RAD51: variants seen among roughly 807,000 people sequenced by gnomAD.
RAD51 encodes DNA repair protein RAD51 homolog 1.
A neutral mutation model predicts 41.5 loss-of-function variants in RAD51; 14 were observed. That is an observed-to-expected ratio of 0.34 (90% CI 0.22 to 0.53). RAD51 has a LOEUF of 0.53. Ranked by LOEUF, RAD51 falls within the 20% of genes least tolerant of loss-of-function variation. RAD51 has a pLI of 0.95. For synonymous variants in RAD51, 136 were observed against 148.6 expected, an observed-to-expected ratio of 0.92 and a Z score of 0.62; for missense variants, 234 against 422.0, an observed-to-expected ratio of 0.55 and a Z score of 3.90.
At position 40,722,510 on chromosome 15, in the gene RAD51, G is replaced by A. The variant is rs144587814; in HGVS notation, c.530+3611G>A. Among the ~76,000 whole-genome samples, 324 of 151,260 alleles carry A rather than the reference G, an allele frequency of 2.1e-3. 1 individual carries two copies. The highest frequency in any genetic ancestry group is 6.8e-3 in the Middle Eastern group (2 of 292). On this transcript the variant is annotated intron_variant, in intron 6 of 9. Coordinates refer to ENST00000267868, the MANE Select transcript of RAD51 (RefSeq NM_002875.5). The stretch of plus-strand genomic sequence containing the variant: ...ACAGAAAGTAGAATGGTGGTTTTCT[G>A]GGGGTAGGGAGACTGGGGAGTTGTT...
intron 6 of RAD51, among the ~76,000 whole-genome samples, chr15:40,724,772 A>G (rs10775121): frequency 0.55 from 78,156 of 141,632 alleles, 21,534 homozygotes; most frequent in East Asian, 0.78. Context: ...TCCACCTCCC[A>G]GGTTCACGCC....
chr15:40,730,012 G>T, intron 9 of RAD51, 38 bp downstream of exon 9: 1 of 1,608,820 alleles, frequency 6.2e-7, no homozygotes, highest in Non-Finnish European at 8.5e-7. Context: ...TTTTCGGAAT[G>T]TCATATTAAC....
chr15:40,719,838 A>G (rs45603133), intron 6 of RAD51, among the ~76,000 whole-genome samples: 38 of 151,974 alleles, frequency 2.5e-4, no homozygotes, highest in African/African-American at 9.2e-4. Flanking sequence ...TCTCAAAAAA[A>G]AAAGACAAAC....
At chr15:40,714,229 G>A (rs1326401175) in intron 5 of RAD51, among the ~76,000 whole-genome samples, 1 of 152,094 alleles carries the variant, frequency 6.6e-6, no homozygotes, top group Non-Finnish European at 1.5e-5. Flanking sequence ...AGAAGAGGAA[G>A]AGTAAGTTAT....
chr15:40,703,021 C>A (rs1333215656), intron 3 of RAD51, among the ~76,000 whole-genome samples: 2 of 152,086 alleles, frequency 1.3e-5, no homozygotes, highest in African/African-American at 4.8e-5. Flanking sequence ...AATACATTCT[C>A]CTGTTTTTCA....
chr15:40,696,185 T>TTTTGTTTG (rs368175750), intron 1 of RAD51, among the ~76,000 whole-genome samples: 6 of 151,978 alleles, frequency 3.9e-5, no homozygotes, highest in Non-Finnish European at 7.4e-5. Context: ...GCCCCTGTTT[T>TTTTGTTTG]TTTGTTTGTT....
chr15:40,726,302 A>G (rs1378534817), intron 6 of RAD51, among the ~76,000 whole-genome samples: 1 of 142,308 alleles, frequency 7.0e-6, no homozygotes, highest in Non-Finnish European at 1.5e-5. Context: ...GCCAGGCTGG[A>G]GTACAGTGGC....
chr15:40,701,583 A>C (rs1029404151), intron 3 of RAD51, among the ~76,000 whole-genome samples: 1 of 151,458 alleles, frequency 6.6e-6, no homozygotes, highest in Non-Finnish European at 1.5e-5. Flanking sequence ...CACCTACCTC[A>C]GCCTCCCAAA....
At chr15:40,730,947 C>T (rs1002535380) in intron 9 of RAD51, 108 bp from the exon 10 acceptor site, 24 of 1,420,538 alleles carry the variant, frequency 1.7e-5, no homozygotes, top group Middle Eastern at 2.0e-4. Flanking sequence ...TCCCAGGGTC[C>T]TTCTAGGAAG....
intron 5 of RAD51, among the ~76,000 whole-genome samples, chr15:40,717,983 G>A (rs1045337673): frequency 3.9e-5 from 6 of 152,042 alleles, no homozygotes; most frequent in African/African-American, 1.4e-4. Context: ...TGTAATCCCA[G>A]CACTTTAAGA....
rs200659194 is a variant in RAD51, at chr15:40,709,129, G to A, written c.435+13G>A. 6.3e-7 allele frequency: 1 copy of A among 1,597,216 alleles called. No homozygotes were observed. Among genetic ancestry groups the A allele is most frequent in the Non-Finnish European group, 8.6e-7 (1 of 1,164,896 alleles). On this transcript the variant is annotated intron_variant, in intron 5 of 9. Transcript: ENST00000267868. Reference sequence around the variant, plus strand: ...TGTCACCTGCCAGGTGAGCTGTTGGGGCTATAGCTAATCAAATAAGCAAGC... The same window carrying A: ...TGTCACCTGCCAGGTGAGCTGTTGGAGCTATAGCTAATCAAATAAGCAAGC...
rs752492487 is a variant in RAD51, at chr15:40,718,847, A to G, written c.478A>G (p.Ile160Val). ...TGGAGGTGAAGGAAAGGCCATGTAC[A>G]TTGACACTGAGGGTACCTTTAGGCC... is the stretch of plus-strand genomic sequence containing the variant. Reference protein sequence around the residue: ...RGGGEGKAMYIDTEGTFRPER... With the variant: ...RGGGEGKAMYVDTEGTFRPER... The change falls in exon 6 of 10, where the codon ATT becomes GTT. Residue 160 changes from isoleucine to valine, a missense_variant. Physicochemically the swap from Ile to Val is conservative, Grantham distance 29. Transcript: ENST00000267868. 5 of 1,613,658 alleles carry G rather than the reference A, an allele frequency of 3.1e-6. No individual in the cohort carries two copies. Among genetic ancestry groups the G allele is most frequent in the African/African-American group, 1.3e-5 (1 of 74,888 alleles).
intron 4 of RAD51, 62 bp from the exon 5 acceptor site, chr15:40,708,963 C>A: frequency 7.3e-7 from 1 of 1,377,612 alleles, no homozygotes; most frequent in Non-Finnish European, 1.0e-6. Flanking sequence ...AAGAACATTT[C>A]TATGACTACA....
chr15:40,722,521 G>A (rs1347791808), intron 6 of RAD51, among the ~76,000 whole-genome samples: 1 of 150,460 alleles, frequency 6.6e-6, no homozygotes, highest in Non-Finnish European at 1.5e-5. Flanking sequence ...GGGGTAGGGA[G>A]ACTGGGGAGT....
chr15:40,721,303 G>A (rs1596011846), intron 6 of RAD51, among the ~76,000 whole-genome samples: 1 of 152,098 alleles, frequency 6.6e-6, no homozygotes, highest in Middle Eastern at 3.4e-3. Context: ...AACATAACGT[G>A]GAAATGCAAA....
chr15:40,725,696 A>C (rs1759814756), intron 6 of RAD51, among the ~76,000 whole-genome samples: 1 of 152,196 alleles, frequency 6.6e-6, no homozygotes. Context: ...CTGTTTTAAC[A>C]AGCTCTCCAG....
chr15:40,713,227 C>T (rs1241471636), intron 5 of RAD51, among the ~76,000 whole-genome samples: 1 of 144,688 alleles, frequency 6.9e-6, no homozygotes, highest in Admixed American at 7.4e-5. Flanking sequence ...TTGATAGCCT[C>T]CCATTTTTCT....
At chr15:40,710,500 T>G (rs1384392956) in intron 5 of RAD51, among the ~76,000 whole-genome samples, 1 of 35,438 alleles carries the variant, frequency 2.8e-5, no homozygotes, top group Non-Finnish European at 4.3e-5. Flanking sequence ...AGACTCTGTC[T>G]CAAAAAAAAA....
intron 4 of RAD51, among the ~76,000 whole-genome samples, chr15:40,706,708 A>G (rs1239692640): frequency 6.6e-6 from 1 of 152,186 alleles, no homozygotes; most frequent in African/African-American, 2.4e-5. Flanking sequence ...CTCAAAAACA[A>G]AGAGAGATAA....
Sources: gnomAD v4.1 joint callset for allele counts (sites outside exome capture counted in the v4.1 genomes callset) on GRCh38, gnomAD v4.1.1 for gene constraint, MANE v1.5 for transcripts, NCBI Gene and HGNC (gene_info 2026-07-23, HGNC 2026-07-21) for gene names.